The following RPH3A variants were observed in gnomAD, a reference collection of about 807,000 sequenced individuals.
RPH3A encodes the protein rabphilin 3A, also known as rabphilin-3A.
In RPH3A, 48 loss-of-function variants were observed where a neutral mutation model predicts 102.2. The observed-to-expected ratio is 0.47, with a 90% confidence interval of 0.37 to 0.60. The LOEUF (loss-of-function observed/expected upper bound fraction) is 0.60, where lower values mean the gene tolerates loss of function less well. RPH3A is among the 20% of genes least tolerant of loss of function. The pLI is 0.00. For missense variants in RPH3A, 781 were observed against 910.1 expected, an observed-to-expected ratio of 0.86 and a Z score of 1.83; for synonymous variants, 310 against 324.3, an observed-to-expected ratio of 0.96 and a Z score of 0.47.
At chr12:112,578,541 A>G (rs2039374817) in intron 1 of RPH3A, among the ~76,000 whole-genome samples, 1 of 152,236 alleles carries the variant, frequency 6.6e-6, no homozygotes. Flanking sequence ...TAGAACAGCC[A>G]GAACTAGATT....
chr12:112,724,173 C>T (rs950109229), intron 1 of RPH3A, among the ~76,000 whole-genome samples: 1 of 151,182 alleles, frequency 6.6e-6, no homozygotes, highest in Non-Finnish European at 1.5e-5. Context: ...CCTCCTGCCT[C>T]AGCCTCCTGA....
At chr12:112,692,911 G>A (rs910257205) in intron 1 of RPH3A, among the ~76,000 whole-genome samples, 2 of 152,214 alleles carry the variant, frequency 1.3e-5, no homozygotes, top group African/African-American at 4.8e-5. Context: ...TGTCATGCCT[G>A]CTCCTGCCCC....
intron 1 of RPH3A, among the ~76,000 whole-genome samples, chr12:112,734,882 G>C (rs941127181): frequency 1.3e-5 from 2 of 152,136 alleles, no homozygotes; most frequent in African/African-American, 4.8e-5. Flanking sequence ...CACCATCTTG[G>C]TTTTGGTGGT....
chr12:112,770,321 T>C lies in RPH3A; in HGVS notation c.-139-21822T>C, dbSNP rs188607807. Among the ~76,000 whole-genome samples, 206 of 150,652 alleles carry C rather than the reference T, an allele frequency of 1.4e-3. 2 individuals are homozygous for C. Among genetic ancestry groups the C allele is most frequent in the Non-Finnish European group, 5.2e-4 (35 of 67,886 alleles). On this transcript the variant is annotated intron_variant, in intron 1 of 21. Transcript: ENST00000543106. ...TTATTTATTTATTTTAGAATTTCTT[T>C]TTGTTTCTTTCTTTCTTTTTTGTTT...
At chr12:112,575,810 G>A (rs1037835908) in intron 1 of RPH3A, among the ~76,000 whole-genome samples, 4 of 152,178 alleles carry the variant, frequency 2.6e-5, no homozygotes, top group Non-Finnish European at 4.4e-5. Context: ...TAGAGAGACA[G>A]TGTGTCTGAT....
chr12:112,766,164 TCACATTTCGG>T (rs1045584558), intron 1 of RPH3A, among the ~76,000 whole-genome samples: 5 of 152,180 alleles, frequency 3.3e-5, no homozygotes, highest in Admixed American at 2.0e-4. Flanking sequence ...TTGCCTGGGT[TCACATTTCGG>T]CACTGCCACT....
intron 1 of RPH3A, among the ~76,000 whole-genome samples, chr12:112,659,053 T>C (rs779997901): frequency 2.2e-4 from 34 of 152,202 alleles, no homozygotes; most frequent in Non-Finnish European, 4.3e-4. Context: ...TACAGAAAAG[T>C]TGTGAGTACA....
At chr12:112,677,891 A>AT (rs753469944) in intron 1 of RPH3A, among the ~76,000 whole-genome samples, 3 of 152,052 alleles carry the variant, frequency 2.0e-5, no homozygotes, top group Non-Finnish European at 4.4e-5. Context: ...AGAACCAGAG[A>AT]TTAGAAATAC....
intron 1 of RPH3A, among the ~76,000 whole-genome samples, chr12:112,777,880 T>C (rs2040979521): frequency 6.6e-6 from 1 of 152,230 alleles, no homozygotes; most frequent in South Asian, 2.1e-4. Context: ...GCCTTGGCTT[T>C]GTTGGAGCTT....
intron 1 of RPH3A, among the ~76,000 whole-genome samples, chr12:112,686,522 G>T (rs913537866): frequency 7.2e-5 from 11 of 152,206 alleles, no homozygotes; most frequent in Non-Finnish European, 1.0e-4. Context: ...TCTTGGAAAG[G>T]TGCCACCATA....
At chr12:112,712,318 G>A (rs2040468249) in intron 1 of RPH3A, among the ~76,000 whole-genome samples, 1 of 152,120 alleles carries the variant, frequency 6.6e-6, no homozygotes, top group Admixed American at 6.6e-5. Context: ...TGGATGAATT[G>A]ATGTGTTATA....
At chr12:112,661,117 T>C (rs953069962) in intron 1 of RPH3A, among the ~76,000 whole-genome samples, 1 of 152,132 alleles carries the variant, frequency 6.6e-6, no homozygotes, top group Non-Finnish European at 1.5e-5. Flanking sequence ...TGATTATGTA[T>C]GGAATGCGTC....
intron 1 of RPH3A, among the ~76,000 whole-genome samples, chr12:112,710,883 A>G (rs1365790247): frequency 6.6e-6 from 1 of 151,994 alleles, no homozygotes; most frequent in East Asian, 1.9e-4. Flanking sequence ...TGAGTCTCTT[A>G]TGTAACACAG....
upstream of RPH3A, among the ~76,000 whole-genome samples, chr12:112,790,278 G>A (rs2041085051): frequency 6.6e-6 from 1 of 151,990 alleles, no homozygotes; most frequent in East Asian, 1.9e-4. Flanking sequence ...GGCTGATCTC[G>A]AACTCCTGAC....
At chr12:112,828,806 T>C (rs2136153903) in intron 3 of RPH3A, among the ~76,000 whole-genome samples, 1 of 152,346 alleles carries the variant, frequency 6.6e-6, no homozygotes, top group Admixed American at 6.5e-5. Context: ...CAGAAGTGTA[T>C]GTGTAGGTTT....
chr12:112,832,579 C>T (rs537499914), intron 3 of RPH3A, among the ~76,000 whole-genome samples: 2 of 152,274 alleles, frequency 1.3e-5, no homozygotes, highest in South Asian at 4.2e-4. Flanking sequence ...CTGTGGCTCA[C>T]ACCTATAATC....
chr12:112,701,692 A>G lies in RPH3A; in HGVS notation c.-139-90451A>G, dbSNP rs150477746. ...TCAATGAGTTCTAATGTCTATTCCA[A>G]TTCCAAGCACTGACTGGTCTGTGGT... On this transcript the variant is annotated intron_variant, in intron 1 of 21. Coordinates refer to the RPH3A transcript ENST00000543106. Among the ~76,000 whole-genome samples, 16 of 152,346 alleles carry G rather than the reference A, an allele frequency of 1.1e-4. No homozygotes were observed. In the East Asian group the frequency reaches 3.1e-3, roughly 29 times the overall value.
At chr12:112,798,399 C>T (rs1022181831) in intron 2 of RPH3A, among the ~76,000 whole-genome samples, 2 of 152,110 alleles carry the variant, frequency 1.3e-5, no homozygotes, top group Non-Finnish European at 2.9e-5. Flanking sequence ...TTTCTTTTTC[C>T]TCTCTTTCTT....
At chr12:112,597,933 G>A (rs932235691) in intron 1 of RPH3A, among the ~76,000 whole-genome samples, 14 of 152,202 alleles carry the variant, frequency 9.2e-5, no homozygotes, top group Non-Finnish European at 1.8e-4. Context: ...AGAATGGAGC[G>A]ACCCAACATT....
Sources: allele counts gnomAD v4.1 joint callset (sites outside exome capture counted in the v4.1 genomes callset), GRCh38; gene constraint gnomAD v4.1.1; transcripts MANE v1.5; gene names NCBI Gene and HGNC (gene_info 2026-07-23, HGNC 2026-07-21).